The following P2RX4 variants were observed in gnomAD, a reference collection of about 807,000 sequenced individuals.
P2RX4 encodes the protein purinergic receptor P2X 4.
Under a neutral mutation model 48.0 loss-of-function variants are expected in P2RX4, and 37 were observed. The ratio of observed to expected loss-of-function variants is 0.77; its 90% CI spans 0.59 to 1.01. The LOEUF is 1.01. Among genes scored for constraint, P2RX4 ranks in the 50% least tolerant of loss-of-function variants. The probability of loss-of-function intolerance (pLI) is 0.00; values close to 1 mark genes in which losing one functional copy is unlikely to be tolerated. For synonymous variants in P2RX4, 200 were observed against 199.7 expected, an observed-to-expected ratio of 1.00 and a Z score of -0.01; for missense variants, 501 against 521.4, an observed-to-expected ratio of 0.96 and a Z score of 0.38.
Position 121,210,221 on chromosome 12 carries a change from C to G in P2RX4, c.57C>G (p.Arg19=). 1 of 1,559,988 alleles carries G rather than the reference C, an allele frequency of 6.4e-7. No individual in the cohort carries two copies. The highest frequency in any genetic ancestry group is 8.6e-7 in the Non-Finnish European group (1 of 1,157,802). The change falls in exon 1 of 12, where the codon CGC becomes CGG. Residue 19 remains arginine, a synonymous_variant. Transcript: ENST00000337233. ...AAFLFEYDTP[R]IVLIRSRKVG... ...TCCTGTTCGAGTACGACACGCCGCG[C>G]ATCGTGCTCATCCGCAGCCGCAAAG... is the stretch of plus-strand genomic sequence containing the variant.
At position 121,233,312 on chromosome 12, in the gene P2RX4, G is replaced by T. The variant is rs370410309; in HGVS notation, c.1141-211G>T. 5 of 640,938 alleles carry T rather than the reference G, an allele frequency of 7.8e-6. No individual in the cohort carries two copies. The highest frequency in any genetic ancestry group is 1.4e-5 in the Non-Finnish European group (5 of 359,006). The allele number at this position is 640,938 out of a possible 1,614,324, so 39.7% of individuals were successfully genotyped here. ...TAAACCCAGCCTCGTTTCAATGAGC[G>T]ACATCTCAGGTTGGTGATGATAATG... On this transcript the variant is annotated intron_variant, in intron 11 of 11. Coordinates refer to ENST00000337233, the MANE Select transcript of P2RX4 (RefSeq NM_002560.3).
At position 121,232,642 on chromosome 12, in the gene P2RX4, T is replaced by A; in HGVS notation, c.1010T>A (p.Ile337Asn). ...AGKFDIIPTM[I>N]NIGSGLALLG... ...AAATTTGACATCATCCCCACTATGA[T>A]CAACATCGGCTCTGGCCTGGCACTG... The change falls in exon 10 of 12, where the codon ATC becomes AAC. Residue 337 changes from isoleucine (I) to asparagine (N), a missense_variant. Around this residue, in one of 3 missense-constraint regions of P2RX4, gnomAD observed 197 missense variants for 219.5 expected, o/e 0.90. Coordinates refer to ENST00000337233, the MANE Select transcript of P2RX4 (RefSeq NM_002560.3). The surrounding 1 kb of genome is among the most constrained non-coding windows in gnomAD (Gnocchi z 4.3). The A allele has an allele frequency of 6.2e-7, 1 of 1,614,080 alleles. No individual in the cohort carries two copies. The highest frequency in any genetic ancestry group is 8.5e-7 in the Non-Finnish European group (1 of 1,179,954).
At chr12:121,221,166 T>TTGTG (rs71079040) in intron 2 of P2RX4, among the ~76,000 whole-genome samples, 2,003 of 100,898 alleles carry the variant, frequency 0.02, 25 homozygotes, top group Middle Eastern at 0.035. Context: ...CTGTGTGTGT[T>TTGTG]TGTGTGTGTG....
Position 121,232,654 on chromosome 12 carries a change from C to A in P2RX4, c.1022C>A (p.Ser341Tyr). Residue 341 changes from serine (S) to tyrosine (Y), a missense_variant, in exon 10 of 12, where the codon TCT (serine) becomes TAT (tyrosine). Physicochemically the swap from Ser to Tyr is moderately radical, Grantham distance 144 (BLOSUM62 -2). Transcript: ENST00000337233. This position sits in a 1 kb window ranked among gnomAD's most constrained non-coding sequence, Gnocchi z 4.3. ...ATCCCCACTATGATCAACATCGGCT[C>A]TGGCCTGGCACTGCTAGGCATGGTG... ...DIIPTMINIGSGLALLGMATV... is the reference protein window; with the variant it reads ...DIIPTMINIGYGLALLGMATV... 6.2e-7 allele frequency: 1 copy of A among 1,614,018 alleles called. No homozygotes were observed. The highest frequency in any genetic ancestry group is 8.5e-7 in the Non-Finnish European group (1 of 1,179,854).
rs200410200 is a variant in P2RX4 at position 121,228,834 on chromosome 12, G to A, written c.715G>A (p.Ala239Thr). 14 of 1,614,136 alleles carry A rather than the reference G, an allele frequency of 8.7e-6. No individual in the cohort carries two copies. Among genetic ancestry groups the A allele is most frequent in the East Asian group, 6.7e-5 (3 of 44,876 alleles). Reference protein sequence around the residue: ...IFRLGKIVENAGHSFQDMAVE... With the variant: ...IFRLGKIVENTGHSFQDMAVE... ...CCGTCTTGGCAAAATAGTGGAGAACGCAGGACACAGTTTCCAGGACATGGC... is the reference window on the plus strand; with the variant it reads ...CCGTCTTGGCAAAATAGTGGAGAACACAGGACACAGTTTCCAGGACATGGC... Residue 239 changes from alanine (A) to threonine (T), a missense_variant, in exon 7 of 12, where the codon GCA becomes ACA. Ala to Thr is a moderately conservative substitution (Grantham distance 58). This residue lies in a region of P2RX4 where 197 missense variants were observed against 219.5 expected (regional missense o/e 0.90). Transcript: ENST00000337233.
intron 2 of P2RX4, among the ~76,000 whole-genome samples, chr12:121,219,673 A>G (rs939132997): frequency 1.3e-5 from 2 of 151,950 alleles, no homozygotes; most frequent in Non-Finnish European, 2.9e-5. Flanking sequence ...AGAAAGAAAG[A>G]ATAGATAAAT....
intron 5 of P2RX4, chr12:121,223,260 G>A (rs2668238): frequency 0.011 from 5,539 of 509,990 alleles, 265 homozygotes; most frequent in African/African-American, 0.095. Context: ...ATTTTTAGTA[G>A]AGACGGGGTT....
At chr12:121,222,527 C>T in intron 4 of P2RX4, 2 of 443,240 alleles carry the variant, frequency 4.5e-6, no homozygotes, top group Non-Finnish European at 8.7e-6. Context: ...ATTCTCCTGC[C>T]TCAGCCTCCC....
intron 5 of P2RX4, among the ~76,000 whole-genome samples, chr12:121,225,737 T>C (rs1163547205): frequency 6.6e-6 from 1 of 152,092 alleles, no homozygotes; most frequent in Non-Finnish European, 1.5e-5. Flanking sequence ...AAAAAAAGAA[T>C]GTATAATATC....
chr12:121,231,780 A>G (rs901326502), intron 8 of P2RX4, among the ~76,000 whole-genome samples: 3 of 151,964 alleles, frequency 2.0e-5, no homozygotes, highest in African/African-American at 7.3e-5. Context: ...AATAAATTTA[A>G]AAAGCCCTAG....
rs200199675 is a variant in P2RX4 at position 121,232,696 on chromosome 12, C to T, written c.1044+20C>T. 1.4e-5 allele frequency: 22 copies of T among 1,600,216 alleles called. No individual in the cohort carries two copies. The Admixed American group carries it at 2.7e-4, about 19-fold the overall frequency. On this transcript the variant is annotated intron_variant, in intron 10 of 11. Transcript: ENST00000337233. This position sits in a 1 kb window ranked among gnomAD's most constrained non-coding sequence, Gnocchi z 4.3. ...GGCATGGTGAGTGGTTTAGGCCCTG[C>T]CTTCACCCTCACGGTGAGGTGAGAC...
At chr12:121,223,811 A>C (rs11065494) in intron 5 of P2RX4, among the ~76,000 whole-genome samples, 17,749 of 152,028 alleles carry the variant, frequency 0.12, 1,354 homozygotes, top group Non-Finnish European at 0.16. Flanking sequence ...ACCTGGGAGG[A>C]GGAGGTTGCT....
chr12:121,219,105 G>A (rs1004207628), intron 2 of P2RX4, among the ~76,000 whole-genome samples: 11 of 152,188 alleles, frequency 7.2e-5, no homozygotes, highest in African/African-American at 1.7e-4. Context: ...CAGGAGAGTC[G>A]TAGGAGCGGC....
intron 8 of P2RX4, among the ~76,000 whole-genome samples, chr12:121,230,385 G>A (rs998337729): frequency 6.6e-6 from 1 of 152,068 alleles, no homozygotes; most frequent in Non-Finnish European, 1.5e-5. Context: ...TCCGTCTCAG[G>A]GGGAAAAAAA....
Position 121,228,838 on chromosome 12 carries a change from GAC to G in P2RX4, c.723_724del (p.His241GlnfsTer44), listed in dbSNP as rs1222387860. 4 of 1,614,056 alleles carry G rather than the reference GAC, an allele frequency of 2.5e-6. No individual in the cohort carries two copies. Among genetic ancestry groups the G allele is most frequent in the Admixed American group, 3.3e-5 (2 of 60,000 alleles). ...CTTGGCAAAATAGTGGAGAACGCAG[GAC>G]ACAGTTTCCAGGACATGGCCGTGGA... On this transcript the variant is annotated frameshift_variant, in exon 7 of 12. Coordinates refer to ENST00000337233, the MANE Select transcript of P2RX4 (RefSeq NM_002560.3). LOFTEE classifies it high-confidence loss of function.
At chr12:121,225,072 A>ATTTTT (rs34333143) in intron 5 of P2RX4, among the ~76,000 whole-genome samples, 7 of 133,792 alleles carry the variant, frequency 5.2e-5, no homozygotes, top group Non-Finnish European at 9.5e-5. Context: ...ATCAAATTGG[A>ATTTTT]TTTTTTTTTT....
chr12:121,224,331 G>A (rs962348764), intron 5 of P2RX4, among the ~76,000 whole-genome samples: 3 of 152,136 alleles, frequency 2.0e-5, no homozygotes, highest in South Asian at 2.1e-4. Flanking sequence ...TCATCCTGGC[G>A]CGGTGGCTCA....
chr12:121,232,979 A>T lies in P2RX4; in HGVS notation c.1045-18A>T. 6.4e-7 allele frequency: 1 copy of T among 1,568,604 alleles called. No homozygotes were observed. The highest frequency in any genetic ancestry group is 2.2e-5 in the East Asian group (1 of 44,654). On this transcript the variant is annotated intron_variant, in intron 10 of 11. Transcript: ENST00000337233. The surrounding 1 kb of genome is among the most constrained non-coding windows in gnomAD (Gnocchi z 4.3). ...GTTGCAAGCATCCTGGCTCACTCTC[A>T]CCCTATGCTAAACTCAGGCGACCGT... is the stretch of plus-strand genomic sequence containing the variant.
chr12:121,211,749 G>A (rs928084144), intron 1 of P2RX4, among the ~76,000 whole-genome samples: 4 of 151,324 alleles, frequency 2.6e-5, no homozygotes, highest in South Asian at 2.1e-4. Flanking sequence ...ATCTTGGCTC[G>A]CTGCAACCTC....
Sources: allele counts gnomAD v4.1 joint callset (sites outside exome capture counted in the v4.1 genomes callset), GRCh38; gene constraint gnomAD v4.1.1; regional missense constraint gnomAD v4.1.1; non-coding constraint Gnocchi (gnomAD v3.1); transcripts MANE v1.5; gene names NCBI Gene and HGNC (gene_info 2026-07-23, HGNC 2026-07-21).